AIDA: variants seen among roughly 807,000 people sequenced by gnomAD.
The protein encoded by AIDA is axin interactor, dorsalization-associated protein.
Under a neutral mutation model 42.7 loss-of-function variants are expected in AIDA, and 18 were observed. That is an observed-to-expected ratio of 0.42 (90% CI 0.29 to 0.63). AIDA has a LOEUF of 0.63. Ranked by LOEUF, AIDA falls within the 20% of genes least tolerant of loss-of-function variation. The pLI is 0.19. For synonymous variants in AIDA, 104 were observed against 122.9 expected (o/e 0.85, Z 1.02); for missense variants, 250 against 354.1 (o/e 0.71, Z 2.36).
At chr1:222,696,169 A>G (rs1435918587) in intron 2 of AIDA, among the ~76,000 whole-genome samples, 1 of 152,278 alleles carries the variant, frequency 6.6e-6, no homozygotes, top group East Asian at 1.9e-4. Flanking sequence ...TTTGAAAATT[A>G]CATTTATATG....
Position 222,687,987 on chromosome 1 carries a change from C to T in AIDA, c.290-329G>A, listed in dbSNP as rs1571931371. ...CATGGGGTACCAGAAAAAGAGAATG[C>T]CTCCTCCCTATAGTACTTTAATTAA... On this transcript the variant is annotated intron_variant, in intron 4 of 9. Coordinates refer to ENST00000340020, the MANE Select transcript of AIDA (RefSeq NM_022831.4). Among the ~76,000 whole-genome samples, 3 of 152,176 alleles carry T rather than the reference C, an allele frequency of 2.0e-5. No homozygotes were observed. The South Asian group carries it at 6.2e-4, about 32-fold the overall frequency.
intron 5 of AIDA, 175 bp from the exon 6 acceptor site, chr1:222,687,211 C>A: frequency 3.7e-6 from 2 of 547,486 alleles, no homozygotes; most frequent in Non-Finnish European, 4.7e-6. Flanking sequence ...GGGCAGACTG[C>A]CTGAGCTCAG....
chr1:222,673,733 G>A (rs1228891776), intron 7 of AIDA, among the ~76,000 whole-genome samples: 1 of 151,270 alleles, frequency 6.6e-6, no homozygotes, highest in Non-Finnish European at 1.5e-5. Context: ...AGCCGAGATC[G>A]CACCACTGCA....
At chr1:222,689,913 T>A (rs951270684) in intron 4 of AIDA, among the ~76,000 whole-genome samples, 21 of 152,090 alleles carry the variant, frequency 1.4e-4, no homozygotes, top group African/African-American at 5.1e-4. Flanking sequence ...TCATAGTAAG[T>A]ACCCTATAAA....
chr1:222,707,249 C>T (rs543579834), intron 1 of AIDA, among the ~76,000 whole-genome samples: 9 of 152,000 alleles, frequency 5.9e-5, no homozygotes, highest in Non-Finnish European at 8.8e-5. Flanking sequence ...CCTCTGTCTC[C>T]GGGGCTCAAG....
At chr1:222,710,620 T>C (rs1227505732) in intron 1 of AIDA, among the ~76,000 whole-genome samples, 1 of 152,194 alleles carries the variant, frequency 6.6e-6, no homozygotes, top group Non-Finnish European at 1.5e-5. Flanking sequence ...GAAGGGTGTG[T>C]TCTCCAGTAA....
chr1:222,705,376 A>G (rs1255180464), intron 1 of AIDA, among the ~76,000 whole-genome samples: 1 of 152,148 alleles, frequency 6.6e-6, no homozygotes, highest in Admixed American at 6.5e-5. Context: ...TAATCTATAC[A>G]CTGTATCCTT....
Position 222,712,369 on chromosome 1 carries a change from C to G in AIDA, c.-52G>C, listed in dbSNP as rs1424152940. ...GCCCCTACCCCAGCAAGGCCGGGTT[C>G]TAGGGCGCCATCCTCCCCCGGCCTG... is the stretch of plus-strand genomic sequence containing the variant. On this transcript the variant is annotated 5_prime_UTR_variant, in exon 1 of 10. It removes the in-frame stop codon of an upstream open reading frame in the 5' UTR. Coordinates refer to ENST00000340020, the MANE Select transcript of AIDA (RefSeq NM_022831.4). The G allele has an allele frequency of 9.8e-5, 87 of 886,862 alleles. No homozygotes were observed. The highest frequency in any genetic ancestry group is 1.2e-4 in the Non-Finnish European group (75 of 605,844). 54.9% of individuals were successfully genotyped at this position (886,862 alleles called of 1,614,324 possible).
rs1571919608 is a variant in AIDA at position 222,668,581 on chromosome 1, C to T, written c.*1312G>A. 2.2e-5 allele frequency: 1 copy of T among 46,248 alleles called. No homozygotes were observed. Among genetic ancestry groups the T allele is most frequent in the Non-Finnish European group, 4.2e-5 (1 of 23,832 alleles). The allele number at this position is 46,248 out of a possible 1,614,324, so 2.9% of individuals were successfully genotyped here. ...GACTAGATCTCTTGAAGTGCAAGGGCTACAACAACTTAGTTGTGGTTACTT... is the reference window on the plus strand; with the variant it reads ...GACTAGATCTCTTGAAGTGCAAGGGTTACAACAACTTAGTTGTGGTTACTT... On this transcript the variant is annotated 3_prime_UTR_variant, in exon 10 of 10. Transcript: ENST00000340020.
chr1:222,709,845 T>A (rs768403867), intron 1 of AIDA, among the ~76,000 whole-genome samples: 4 of 152,234 alleles, frequency 2.6e-5, no homozygotes, highest in Non-Finnish European at 5.9e-5. Flanking sequence ...ATTTTATTCA[T>A]CTTTGTATCC....
intron 7 of AIDA, among the ~76,000 whole-genome samples, chr1:222,675,727 C>T (rs1024184547): frequency 6.6e-5 from 10 of 152,132 alleles, no homozygotes; most frequent in Non-Finnish European, 1.5e-4. Flanking sequence ...CTGGGCTTTG[C>T]AAACAAACCT....
At position 222,693,740 on chromosome 1, in the gene AIDA, G is replaced by C. The variant is rs749554986; in HGVS notation, c.289+49C>G. ...TTAAATAGCCTTAACATCTACAATA[G>C]ATTATTTTTCCAAAGGAGTATCACA... On this transcript the variant is annotated intron_variant, in intron 4 of 9. Transcript: ENST00000340020. 4.1e-5 allele frequency: 58 copies of C among 1,409,270 alleles called. No individual in the cohort carries two copies. In the East Asian group the frequency reaches 1.1e-3, roughly 28 times the overall value. The allele number at this position is 1,409,270 out of a possible 1,614,324, so 87.3% of individuals were successfully genotyped here.
rs148944220 is a variant in AIDA at position 222,684,152 on chromosome 1, G to C, written c.460+2778C>G. Among the ~76,000 whole-genome samples the C allele has an allele frequency of 1.5e-3, 223 of 151,448 alleles. 6 individuals are homozygous for C. The South Asian group carries it at 0.021, about 14-fold the overall frequency. The stretch of plus-strand genomic sequence containing the variant: ...TTGAGACGGAGTCTGGCTGTTGTTA[G>C]CCTGGGTTGGAGTACAATGGCACAA... On this transcript the variant is annotated intron_variant, in intron 6 of 9. Transcript: ENST00000340020.
intron 2 of AIDA, among the ~76,000 whole-genome samples, chr1:222,699,811 G>A (rs909549062): frequency 3.3e-5 from 5 of 149,370 alleles, no homozygotes; most frequent in Non-Finnish European, 5.9e-5. Context: ...TCGCTCTGTC[G>A]CCCAGGCTGG....
At chr1:222,693,328 C>A (rs1655425698) in intron 4 of AIDA, among the ~76,000 whole-genome samples, 1 of 152,054 alleles carries the variant, frequency 6.6e-6, no homozygotes, top group Non-Finnish European at 1.5e-5. Context: ...TACTAACCAT[C>A]AAAACATTTG....
chr1:222,677,376 G>A (rs1173688539), intron 6 of AIDA, among the ~76,000 whole-genome samples: 2 of 152,014 alleles, frequency 1.3e-5, no homozygotes, highest in Non-Finnish European at 2.9e-5. Context: ...AAAGGGACAG[G>A]TTTCCCCCCC....
At chr1:222,670,448 A>G (rs1401290846) in intron 8 of AIDA, among the ~76,000 whole-genome samples, 198 bp from the exon 9 acceptor site, 1 of 152,212 alleles carries the variant, frequency 6.6e-6, no homozygotes, top group Non-Finnish European at 1.5e-5. Context: ...GTAGAGTGAC[A>G]TTTCTCCTTA....
At chr1:222,689,693 AAAAGTTAAAGTTAAT>A (rs1350945823) in intron 4 of AIDA, among the ~76,000 whole-genome samples, 1 of 151,112 alleles carries the variant, frequency 6.6e-6, no homozygotes, top group Non-Finnish European at 1.5e-5. Context: ...AAAAGTTTTA[AAAAGTTAAAGTTAAT>A]AAAGTTTATA....
chr1:222,695,749 C>A (rs1054041068), intron 2 of AIDA, among the ~76,000 whole-genome samples: 9 of 152,124 alleles, frequency 5.9e-5, no homozygotes, highest in Admixed American at 1.3e-4. Context: ...AGGAATAAAT[C>A]CAGATCATAA....
Sources: gnomAD v4.1 joint callset for allele counts (sites outside exome capture counted in the v4.1 genomes callset) on GRCh38, gnomAD v4.1.1 for gene constraint, MANE v1.5 for transcripts, NCBI Gene and HGNC (gene_info 2026-07-23, HGNC 2026-07-21) for gene names.